The following NAV3 variants were observed in gnomAD, a reference collection of about 807,000 sequenced individuals.
The protein encoded by NAV3 is pore membrane and/or filament interacting like protein 1.
A neutral mutation model predicts 244.7 loss-of-function variants in NAV3; 87 were observed. That is an observed-to-expected ratio of 0.36 (90% confidence interval 0.30 to 0.42). The LOEUF (loss-of-function observed/expected upper bound fraction) is 0.42, where lower values mean the gene tolerates loss of function less well. NAV3 is among the 20% of genes least tolerant of loss of function. The pLI, the probability that NAV3 is intolerant of heterozygous loss-of-function variation, is 1.00. For missense variants in NAV3, 2,663 were observed against 2,893.3 expected (o/e 0.92, Z 1.83); for synonymous variants, 1,126 against 1,042.2 (o/e 1.08, Z -1.55).
chr12:78,127,849 A>ATCT (rs67916759), intron 17 of NAV3, among the ~76,000 whole-genome samples: 408 of 20,292 alleles, frequency 0.02, 1 homozygote, highest in African/African-American at 0.11. Flanking sequence ...TTAATCTAAT[A>ATCT]TTTAATAATC....
intron 9 of NAV3, among the ~76,000 whole-genome samples, chr12:78,048,467 C>T (rs1282449815): frequency 1.3e-5 from 2 of 152,164 alleles, no homozygotes; most frequent in Non-Finnish European, 2.9e-5. Flanking sequence ...TTTTAACAGT[C>T]AGGCCCCTCT....
chr12:78,136,626 A>G (rs1226166235), intron 18 of NAV3, among the ~76,000 whole-genome samples: 2 of 152,124 alleles, frequency 1.3e-5, no homozygotes, highest in Admixed American at 6.6e-5. Context: ...GTTTAGTTAT[A>G]AAAATGTTTA....
rs2139649505 is a variant in NAV3 at position 78,175,369 on chromosome 12, A to C, written c.5045A>C (p.His1682Pro). Residue 1682 changes from histidine (H) to proline (P), a missense_variant, in exon 25 of 40, where the codon CAT becomes CCT. Physicochemically the swap from His to Pro is moderately conservative, Grantham distance 77. Transcript: ENST00000397909. ...TCTAGTATCAACAGTGCCACAAGCC[A>C]TTCCAGTATTGGCAGTGGTAATGAT... ...SVSSINSATSHSSIGSGNDAD... is the reference protein window; with the variant it reads ...SVSSINSATSPSSIGSGNDAD... 1 of 1,611,886 alleles carries C rather than the reference A, an allele frequency of 6.2e-7. No individual in the cohort carries two copies. Among genetic ancestry groups the C allele is most frequent in the Non-Finnish European group, 8.5e-7 (1 of 1,178,520 alleles).
chr12:77,866,141 A>T (rs1377734668), intron 1 of NAV3, among the ~76,000 whole-genome samples: 1 of 152,224 alleles, frequency 6.6e-6, no homozygotes, highest in Admixed American at 6.5e-5. Context: ...CCAATCTACA[A>T]CAGAAAAATA....
intron 1 of NAV3, among the ~76,000 whole-genome samples, chr12:77,912,394 T>G (rs867486968): frequency 6.6e-6 from 1 of 152,106 alleles, no homozygotes; most frequent in African/African-American, 2.4e-5. Context: ...TCCTTTGAGT[T>G]GACTTGTTCC....
chr12:77,650,407 G>C (rs917576671), intron 2 of NAV3, among the ~76,000 whole-genome samples: 4 of 152,090 alleles, frequency 2.6e-5, no homozygotes, highest in African/African-American at 7.2e-5. Context: ...CAACCAACCT[G>C]AGAAAAATCT....
chr12:78,119,873 G>A lies in NAV3; in HGVS notation c.3677G>A (p.Ser1226Asn), dbSNP rs530741171. 1.9e-5 allele frequency: 31 copies of A among 1,614,152 alleles called. No homozygotes were observed. In the South Asian group the frequency reaches 3.3e-4, roughly 17 times the overall value. The change falls in exon 15 of 40, where the codon AGC becomes AAC. Residue 1226 changes from serine (S) to asparagine (N), a missense_variant. Physicochemically the swap from Ser to Asn is conservative, Grantham distance 46. Around this residue, in one of 6 missense-constraint regions of NAV3, gnomAD observed 1,521 missense variants for 1,497.0 expected, o/e 1.02. Transcript: ENST00000397909. ...GSPKSSPTSASACGAQGLRQP... is the reference protein window; with the variant it reads ...GSPKSSPTSANACGAQGLRQP... ...CCCAAATCCAGCCCCACCTCTGCCA[G>A]CGCCTGTGGTGCACAAGGTCTCAGG...
At chr12:77,912,212 G>T (rs1392737588) in intron 1 of NAV3, among the ~76,000 whole-genome samples, 1 of 152,088 alleles carries the variant, frequency 6.6e-6, no homozygotes, top group Non-Finnish European at 1.5e-5. Flanking sequence ...TGTATTTAAA[G>T]ATCATACAGA....
intron 2 of NAV3, among the ~76,000 whole-genome samples, chr12:77,625,177 G>A (rs1054675662): frequency 1.3e-5 from 2 of 151,976 alleles, no homozygotes; most frequent in Non-Finnish European, 2.9e-5. Context: ...TAATATATAT[G>A]TATAAAATAA....
intron 2 of NAV3, among the ~76,000 whole-genome samples, chr12:77,693,618 T>G (rs2137169597): frequency 6.6e-6 from 1 of 152,252 alleles, no homozygotes; most frequent in Admixed American, 6.5e-5. Flanking sequence ...TGGTGAAATC[T>G]TGGGGCTAAA....
At chr12:77,983,478 A>T (rs867866566) in intron 5 of NAV3, among the ~76,000 whole-genome samples, 20 of 152,148 alleles carry the variant, frequency 1.3e-4, no homozygotes, top group African/African-American at 4.8e-4. Flanking sequence ...AGGCAGAGAG[A>T]AAAAAAGTTT....
At position 77,636,640 on chromosome 12, in the gene NAV3, T is replaced by G. The variant is rs1872169883; in HGVS notation, c.72+64374T>G. 4.6e-5 allele frequency among the ~76,000 whole-genome samples: 7 copies of G among 152,016 alleles called. 1 individual carries two copies. The South Asian group carries it at 1.5e-3, about 31-fold the overall frequency. ...ATACCATTTGACCCAGCAATCCCAT[T>G]ACTGGGTATATACCCAAAGGATTAT... On this transcript the variant is annotated intron_variant, in intron 2 of 8. Coordinates refer to the NAV3 transcript ENST00000550042.
chr12:77,634,162 A>G (rs1248409894), intron 2 of NAV3, among the ~76,000 whole-genome samples: 1 of 151,616 alleles, frequency 6.6e-6, no homozygotes, highest in Non-Finnish European at 1.5e-5. Flanking sequence ...GGATTTTGAG[A>G]ACATTAAAAT....
At chr12:77,835,199 A>G (rs1874417792) in intron 1 of NAV3, among the ~76,000 whole-genome samples, 1 of 152,166 alleles carries the variant, frequency 6.6e-6, no homozygotes, top group Non-Finnish European at 1.5e-5. Context: ...GTTTTATTAA[A>G]TATTCTTCCA....
chr12:77,671,996 A>T (rs931724778), intron 2 of NAV3, among the ~76,000 whole-genome samples: 1 of 152,214 alleles, frequency 6.6e-6, no homozygotes, highest in South Asian at 2.1e-4. Flanking sequence ...AAATCTTCAC[A>T]ATCTATGCCT....
intron 26 of NAV3, 44 bp downstream of exon 26, chr12:78,176,503 A>C (rs766762952): frequency 1.2e-6 from 2 of 1,606,036 alleles, no homozygotes; most frequent in South Asian, 2.2e-5. Flanking sequence ...CTATAAAAAA[A>C]CCCTACCTTG....
rs917683869 is a variant in NAV3, at chr12:78,122,223, G to A, written c.4033G>A (p.Val1345Met). 1 of 1,614,148 alleles carries A rather than the reference G, an allele frequency of 6.2e-7. No individual in the cohort carries two copies. Among genetic ancestry groups the A allele is most frequent in the Non-Finnish European group, 8.5e-7 (1 of 1,180,024 alleles). ...SVHSFTSGGL[V>M]WAANMSSSSA... Reference sequence around the variant, plus strand: ...TCACTCTTTCACATCAGGTGGTCTCGTGTGGGCTGCCAATATGAGCAGTTC... The same window carrying A: ...TCACTCTTTCACATCAGGTGGTCTCATGTGGGCTGCCAATATGAGCAGTTC... Residue 1345 changes from valine (V) to methionine (M), a missense_variant, in exon 16 of 40, where the codon GTG becomes ATG. Val to Met is a conservative substitution (Grantham distance 21). Coordinates refer to ENST00000397909, the MANE Select transcript of NAV3 (RefSeq NM_001024383.2).
chr12:77,658,432 C>A (rs1178173235), intron 2 of NAV3, among the ~76,000 whole-genome samples: 1 of 147,758 alleles, frequency 6.8e-6, no homozygotes, highest in African/African-American at 2.5e-5. Context: ...AGGAGAACTA[C>A]AAACCACTGC....
intron 2 of NAV3, among the ~76,000 whole-genome samples, chr12:77,728,260 G>A (rs1876968874): frequency 6.6e-6 from 1 of 151,936 alleles, no homozygotes; most frequent in South Asian, 2.1e-4. Flanking sequence ...GTCTGAGTTG[G>A]TTACGATGAT....
Sources: gnomAD v4.1 joint callset for allele counts (sites outside exome capture counted in the v4.1 genomes callset) on GRCh38, gnomAD v4.1.1 for gene constraint, gnomAD v4.1.1 regional missense constraint, MANE v1.5 for transcripts, NCBI Gene and HGNC (gene_info 2026-07-23, HGNC 2026-07-21) for gene names.